The following PHF21B variants were observed in gnomAD, a reference collection of about 807,000 sequenced individuals.
The protein encoded by PHF21B is PHD finger protein 21B.
A neutral mutation model predicts 62.2 loss-of-function variants in PHF21B; 22 were observed. The observed-to-expected ratio is 0.35, with a 90% CI of 0.25 to 0.51. PHF21B has a LOEUF of 0.51. Among genes scored for constraint, PHF21B ranks in the 20% least tolerant of loss-of-function variants. The pLI, the probability that PHF21B is intolerant of heterozygous loss-of-function variation, is 0.97. For synonymous variants in PHF21B, 341 were observed against 314.7 expected (o/e 1.08, Z -0.88); for missense variants, 701 against 707.9 (o/e 0.99, Z 0.11).
intron 2 of PHF21B, among the ~76,000 whole-genome samples, chr22:44,937,479 G>A (rs1391666554): frequency 2.0e-5 from 3 of 152,220 alleles, no homozygotes; most frequent in Non-Finnish European, 4.4e-5. Flanking sequence ...AACCACTGCA[G>A]GAGTGGGAGG....
chr22:44,963,179 G>C (rs982364680), intron 2 of PHF21B, among the ~76,000 whole-genome samples: 1 of 152,220 alleles, frequency 6.6e-6, no homozygotes, highest in African/African-American at 2.4e-5. Context: ...TCTGGGAACA[G>C]AGGGGAAACC....
intron 5 of PHF21B, 91 bp from the exon 6 acceptor site, chr22:44,896,174 G>A (rs978771526): frequency 2.1e-5 from 29 of 1,414,076 alleles, no homozygotes; most frequent in African/African-American, 8.5e-5. Context: ...GGTGCAGGGC[G>A]ATACCTCATG....
chr22:44,981,257 C>T (rs775730901), intron 2 of PHF21B, among the ~76,000 whole-genome samples: 6 of 152,146 alleles, frequency 3.9e-5, no homozygotes, highest in East Asian at 1.9e-4. Context: ...CCTAACTGAG[C>T]GGCATGATCT....
chr22:44,895,869 C>T (rs1182825119), intron 6 of PHF21B, among the ~76,000 whole-genome samples, 163 bp downstream of exon 6: 3 of 152,304 alleles, frequency 2.0e-5, no homozygotes, highest in South Asian at 2.1e-4. Flanking sequence ...CACTGCCATC[C>T]GAGCCGGGAC....
intron 2 of PHF21B, among the ~76,000 whole-genome samples, chr22:44,984,394 G>A (rs928068856): frequency 6.6e-6 from 1 of 152,080 alleles, no homozygotes; most frequent in Non-Finnish European, 1.5e-5. Flanking sequence ...ACCTTACCCA[G>A]AGCCTTGGTT....
intron 2 of PHF21B, among the ~76,000 whole-genome samples, chr22:44,958,022 C>G (rs1452925218): frequency 6.6e-6 from 1 of 152,068 alleles, no homozygotes; most frequent in African/African-American, 2.4e-5. Flanking sequence ...CCTGCCTCTG[C>G]CTCCCGAGTA....
chr22:44,955,462 G>A (rs996551064), intron 2 of PHF21B, among the ~76,000 whole-genome samples: 2 of 152,248 alleles, frequency 1.3e-5, no homozygotes, highest in Non-Finnish European at 2.9e-5. Context: ...GGCGTTTCTG[G>A]AAGAGATCAG....
At chr22:44,896,880 G>GCTTTTTTTTT (rs1555933162) in intron 5 of PHF21B, among the ~76,000 whole-genome samples, 1 of 84,092 alleles carries the variant, frequency 1.2e-5, no homozygotes, top group Admixed American at 1.5e-4. Context: ...AGTTTTATCT[G>GCTTTTTTTTT]TTTTTTTTTT....
At chr22:44,969,933 T>C (rs573505185) in intron 2 of PHF21B, among the ~76,000 whole-genome samples, 1 of 152,364 alleles carries the variant, frequency 6.6e-6, no homozygotes, top group South Asian at 2.1e-4. Context: ...GTCTCGTTTT[T>C]CCATGCGCTC....
chr22:44,897,842 T>A (rs1175257575), intron 5 of PHF21B, among the ~76,000 whole-genome samples: 2 of 152,148 alleles, frequency 1.3e-5, no homozygotes, highest in African/African-American at 4.8e-5. Flanking sequence ...AGAGTCTCAC[T>A]CTGTCAACCA....
At chr22:44,958,228 G>GA (rs1482057544) in intron 2 of PHF21B, among the ~76,000 whole-genome samples, 1 of 151,894 alleles carries the variant, frequency 6.6e-6, no homozygotes, top group Non-Finnish European at 1.5e-5. Flanking sequence ...TTGAGTGCAC[G>GA]ACTCTGCTGG....
At chr22:44,931,347 G>A (rs1569236095) in intron 2 of PHF21B, among the ~76,000 whole-genome samples, 1 of 152,072 alleles carries the variant, frequency 6.6e-6, no homozygotes, top group Non-Finnish European at 1.5e-5. Flanking sequence ...CCAGGCGCAG[G>A]CGGCTCCCAC....
chr22:44,946,426 G>GTGT (rs1019690623), intron 2 of PHF21B, among the ~76,000 whole-genome samples: 15 of 152,112 alleles, frequency 9.9e-5, no homozygotes, highest in Non-Finnish European at 1.5e-5. Flanking sequence ...GTCTCGAAGA[G>GTGT]TGCTGGCGTC....
At chr22:44,949,278 G>A (rs2072142813) in intron 2 of PHF21B, among the ~76,000 whole-genome samples, 2 of 135,912 alleles carry the variant, frequency 1.5e-5, no homozygotes, top group South Asian at 4.5e-4. Flanking sequence ...TTCAGCCTGG[G>A]TAACAAGAGC....
rs762856929 is a variant in PHF21B, at chr22:44,893,475, G to A, written c.942C>T (p.Ser314=). The change falls in exon 7 of 13, where the codon AGC becomes AGT. Residue 314 remains serine, a synonymous_variant. Transcript: ENST00000313237. ...TCCCCACCTCGGTCTCCAGGAGGCCGCTGTAGGCAGGGTTGGCTGTGCTTC... is the reference window on the plus strand; with the variant it reads ...TCCCCACCTCGGTCTCCAGGAGGCCACTGTAGGCAGGGTTGGCTGTGCTTC... ...KRRSTANPAY[S]GLLETERKRL... 1.1e-5 allele frequency: 17 copies of A among 1,600,764 alleles called. No individual in the cohort carries two copies. The highest frequency in any genetic ancestry group is 3.4e-5 in the South Asian group (3 of 88,416).
At chr22:44,985,921 T>G (rs181992164) in intron 2 of PHF21B, among the ~76,000 whole-genome samples, 34 of 142,842 alleles carry the variant, frequency 2.4e-4, no homozygotes, top group African/African-American at 7.5e-4. Context: ...ACCATCACCA[T>G]CAGCACCACC....
At chr22:44,924,097 G>C (rs1219519912) in intron 2 of PHF21B, among the ~76,000 whole-genome samples, 1 of 91,230 alleles carries the variant, frequency 1.1e-5, no homozygotes, top group African/African-American at 3.2e-5. Flanking sequence ...GGAAGGAGGA[G>C]AGGAGGGAGG....
chr22:44,922,948 T>C (rs1337306370), intron 2 of PHF21B, among the ~76,000 whole-genome samples: 3 of 152,168 alleles, frequency 2.0e-5, no homozygotes, highest in African/African-American at 7.2e-5. Flanking sequence ...TCAGCTTTTT[T>C]TTAAAAAAAT....
At chr22:44,914,134 G>T in intron 4 of PHF21B, 46 bp from the exon 5 acceptor site, 1 of 611,502 alleles carries the variant, frequency 1.6e-6, no homozygotes, top group Non-Finnish European at 2.9e-6. Flanking sequence ...GAAGAGTGAG[G>T]GGGGCTGGGG....
Sources: gnomAD v4.1 joint callset for allele counts (sites outside exome capture counted in the v4.1 genomes callset) on GRCh38, gnomAD v4.1.1 for gene constraint, MANE v1.5 for transcripts, NCBI Gene and HGNC (gene_info 2026-07-23, HGNC 2026-07-21) for gene names.